The following GRIK4 variants were observed in gnomAD, a reference collection of about 807,000 sequenced individuals.
GRIK4 encodes glutamate ionotropic receptor kainate type subunit 4, also known as glutamate receptor ionotropic, kainate 4.
Under a neutral mutation model 104.9 loss-of-function variants are expected in GRIK4, and 40 were observed. The observed-to-expected ratio is 0.38, with a 90% CI of 0.30 to 0.50. The LOEUF (loss-of-function observed/expected upper bound fraction) is 0.50, where lower values mean the gene tolerates loss of function less well. Ranked by LOEUF, GRIK4 falls within the 20% of genes least tolerant of loss-of-function variation. GRIK4 has a pLI of 0.93. For synonymous variants in GRIK4, 485 were observed against 524.9 expected, an observed-to-expected ratio of 0.92 and a Z score of 1.04; for missense variants, 1,047 against 1,308.1, an observed-to-expected ratio of 0.80 and a Z score of 3.08.
chr11:120,950,554 T>C (rs2186621), intron 14 of GRIK4, among the ~76,000 whole-genome samples: 39,675 of 152,096 alleles, frequency 0.26, 5,548 homozygotes, highest in East Asian at 0.36. Flanking sequence ...TGACAGGGCA[T>C]GTGGAATTCA....
intron 13 of GRIK4, among the ~76,000 whole-genome samples, chr11:120,907,268 T>C (rs1942888823): frequency 6.6e-6 from 1 of 152,178 alleles, no homozygotes; most frequent in Non-Finnish European, 1.5e-5. Flanking sequence ...TTGGTCTCCT[T>C]GGGCTGCCTG....
intron 3 of GRIK4, among the ~76,000 whole-genome samples, chr11:120,683,448 A>G (rs1224376150): frequency 6.6e-6 from 1 of 152,166 alleles, no homozygotes; most frequent in African/African-American, 2.4e-5. Context: ...TAAATGAGAA[A>G]TGATTGTAAA....
intron 3 of GRIK4, among the ~76,000 whole-genome samples, chr11:120,793,807 G>A (rs535994547): frequency 1.1e-4 from 16 of 151,100 alleles, no homozygotes; most frequent in Non-Finnish European, 2.1e-4. Context: ...GAGGTGAGGG[G>A]AGGTGTTGGG....
At chr11:120,637,149 G>T (rs1949408409) in intron 1 of GRIK4, among the ~76,000 whole-genome samples, 1 of 151,728 alleles carries the variant, frequency 6.6e-6, no homozygotes, top group Non-Finnish European at 1.5e-5. Context: ...GAGGGAGAGA[G>T]AGAGAGAACC....
intron 8 of GRIK4, among the ~76,000 whole-genome samples, chr11:120,857,629 A>G (rs916453078): frequency 6.6e-6 from 1 of 152,172 alleles, no homozygotes; most frequent in Admixed American, 6.5e-5. Context: ...GAGGACAGTC[A>G]GTGGTTAGCA....
chr11:120,815,366 C>A lies in GRIK4; in HGVS notation c.248-12C>A. On this transcript the variant is annotated splice_polypyrimidine_tract_variant and intron_variant, in intron 4 of 20. Transcript: ENST00000527524. ...GCTTTGCTTCTTTCCCTGTCCCTGC[C>A]GCTGGCTGCAGTGTGTCAGATCCTC... 1.3e-6 allele frequency: 2 copies of A among 1,493,758 alleles called. No homozygotes were observed. Among genetic ancestry groups the A allele is most frequent in the Non-Finnish European group, 1.8e-6 (2 of 1,095,814 alleles). 92.5% of individuals were successfully genotyped at this position (1,493,758 alleles called of 1,614,324 possible).
At chr11:120,690,630 ACCAAGATGGGTC>A (rs1378305656) in intron 3 of GRIK4, among the ~76,000 whole-genome samples, 6 of 152,250 alleles carry the variant, frequency 3.9e-5, no homozygotes, top group Non-Finnish European at 8.8e-5. Context: ...CACCTGAGCA[ACCAAGATGGGTC>A]CCAGAGGGGC....
intron 3 of GRIK4, among the ~76,000 whole-genome samples, chr11:120,716,674 A>T (rs1950841144): frequency 6.6e-6 from 1 of 152,194 alleles, no homozygotes; most frequent in Non-Finnish European, 1.5e-5. Flanking sequence ...GAAACTGAGT[A>T]TAAATAGATG....
chr11:120,550,086 G>A (rs1591688042), intron 1 of GRIK4, among the ~76,000 whole-genome samples: 2 of 152,104 alleles, frequency 1.3e-5, no homozygotes, highest in Middle Eastern at 3.4e-3. Flanking sequence ...GCCTGGTTGC[G>A]GGGAATGGGC....
chr11:120,961,001 T>C lies in GRIK4; in HGVS notation c.1967T>C (p.Val656Ala), dbSNP rs943504056. Residue 656 changes from valine to alanine, a missense_variant, in exon 17 of 21, where the codon GTG becomes GCG. Physicochemically the swap from Val to Ala is moderately conservative, Grantham distance 64. Around this residue, in one of 3 missense-constraint regions of GRIK4, gnomAD observed 440 missense variants for 652.3 expected, o/e 0.67. Coordinates refer to ENST00000527524, the MANE Select transcript of GRIK4 (RefSeq NM_014619.5). Reference protein sequence around the residue: ...VQRMDVPIESVDDLADQTAIE... With the variant: ...VQRMDVPIESADDLADQTAIE... ...CGCATGGATGTGCCCATTGAGTCAG[T>C]GGATGACCTGGCTGACCAGACCGCC... is the stretch of plus-strand genomic sequence containing the variant. 6.2e-7 allele frequency: 1 copy of C among 1,614,156 alleles called. No individual in the cohort carries two copies. Among genetic ancestry groups the C allele is most frequent in the Non-Finnish European group, 8.5e-7 (1 of 1,179,990 alleles).
intron 1 of GRIK4, among the ~76,000 whole-genome samples, chr11:120,583,015 A>G (rs1320024301): frequency 1.3e-5 from 2 of 152,194 alleles, no homozygotes; most frequent in African/African-American, 4.8e-5. Context: ...CCTCAGCAGC[A>G]TCTGTTATTT....
chr11:120,546,584 G>C (rs574531301), intron 1 of GRIK4, among the ~76,000 whole-genome samples: 1 of 152,188 alleles, frequency 6.6e-6, no homozygotes, highest in African/African-American at 2.4e-5. Context: ...TGAGAGGGCT[G>C]CTCATAGCAT....
Position 120,903,449 on chromosome 11 carries a change from C to T in GRIK4, c.1273-1841C>T, listed in dbSNP as rs547098226. Among the ~76,000 whole-genome samples, 6 of 152,258 alleles carry T rather than the reference C, an allele frequency of 3.9e-5. No homozygotes were observed. The highest frequency in any genetic ancestry group is 1.9e-4 in the East Asian group (1 of 5,174). The stretch of plus-strand genomic sequence containing the variant: ...CCAGGCTCAGGCCTCAACCTCACCC[C>T]GCCCCACCCTGCCTCCACCCTGCAC... On this transcript the variant is annotated intron_variant, in intron 12 of 20. Coordinates refer to ENST00000527524, the MANE Select transcript of GRIK4 (RefSeq NM_014619.5). This position sits in a 1 kb window ranked among gnomAD's most constrained non-coding sequence, Gnocchi z 4.4.
chr11:120,515,145 C>T lies in GRIK4; in HGVS notation c.-159+3258C>T, dbSNP rs573747693. 47 of 427,498 alleles carry T rather than the reference C, an allele frequency of 1.1e-4. No individual in the cohort carries two copies. In the East Asian group the frequency reaches 3.2e-3, roughly 29 times the overall value. The allele number at this position is 427,498 out of a possible 1,614,324, so 26.5% of individuals were successfully genotyped here. A position where few individuals can be genotyped will look rare whatever the true frequency, so the allele number is the denominator to read the frequency against. ...TCCCCCCTCCCCTGGCCACCCAGCC[C>T]TGGCACTGTGTGTCCTCACCCTGGC... On this transcript the variant is annotated intron_variant, in intron 1 of 20. Coordinates refer to ENST00000527524, the MANE Select transcript of GRIK4 (RefSeq NM_014619.5).
intron 3 of GRIK4, among the ~76,000 whole-genome samples, chr11:120,711,017 C>G (rs1950725849): frequency 6.8e-6 from 1 of 146,904 alleles, no homozygotes. Context: ...GTGTGAGCAG[C>G]TGCAGGGCCC....
chr11:120,595,944 T>G lies in GRIK4; in HGVS notation c.-158-57741T>G, dbSNP rs548674599. Among the ~76,000 whole-genome samples, 5 of 152,364 alleles carry G rather than the reference T, an allele frequency of 3.3e-5. No homozygotes were observed. In the East Asian group the frequency reaches 5.8e-4, roughly 18 times the overall value. On this transcript the variant is annotated intron_variant, in intron 1 of 20. Coordinates refer to ENST00000527524, the MANE Select transcript of GRIK4 (RefSeq NM_014619.5). ...TCACTGCAACTTCCACCTCCCGGGT[T>G]CAAGCGATTCTTGTGCCTCACCCTC...
rs927521808 is a variant in GRIK4, at chr11:120,902,208, G to A, written c.1273-3082G>A. On this transcript the variant is annotated intron_variant, in intron 12 of 20. Transcript: ENST00000527524. The surrounding 1 kb of genome is among the most constrained non-coding windows in gnomAD (Gnocchi z 4.5). ...GTTAATGCCAGCAAACATGGAATTGGCTGCCGCTCCCATTCCCTGAACACC... is the reference window on the plus strand; with the variant it reads ...GTTAATGCCAGCAAACATGGAATTGACTGCCGCTCCCATTCCCTGAACACC... Among the ~76,000 whole-genome samples the A allele has an allele frequency of 2.0e-5, 3 of 152,238 alleles. No individual in the cohort carries two copies. Among genetic ancestry groups the A allele is most frequent in the African/African-American group, 7.2e-5 (3 of 41,524 alleles).
chr11:120,662,343 G>A (rs1461429547), intron 3 of GRIK4, among the ~76,000 whole-genome samples: 1 of 152,192 alleles, frequency 6.6e-6, no homozygotes, highest in Non-Finnish European at 1.5e-5. Flanking sequence ...GTCAAACCGG[G>A]CCTAATCTCC....
At chr11:120,668,055 C>T (rs182323018) in intron 3 of GRIK4, among the ~76,000 whole-genome samples, 235 of 152,054 alleles carry the variant, frequency 1.5e-3, no homozygotes, top group Admixed American at 3.3e-3. Context: ...TGCCCTCCAT[C>T]CTGGGTGACA....
Sources: allele counts gnomAD v4.1 joint callset (sites outside exome capture counted in the v4.1 genomes callset), GRCh38; gene constraint gnomAD v4.1.1; regional missense constraint gnomAD v4.1.1; non-coding constraint Gnocchi (gnomAD v3.1); transcripts MANE v1.5; gene names NCBI Gene and HGNC (gene_info 2026-07-23, HGNC 2026-07-21).